CD74: variants seen among roughly 807,000 people sequenced by gnomAD.
The protein encoded by CD74 is CD74 molecule.
A neutral mutation model predicts 37.1 loss-of-function variants in CD74; 20 were observed. The ratio of observed to expected loss-of-function variants is 0.54; its 90% CI spans 0.38 to 0.78. The LOEUF (loss-of-function observed/expected upper bound fraction) is 0.78, where lower values mean the gene tolerates loss of function less well. Among genes scored for constraint, CD74 ranks in the 30% least tolerant of loss-of-function variants. The probability of loss-of-function intolerance (pLI) is 0.00; values close to 1 mark genes in which losing one functional copy is unlikely to be tolerated. For missense variants in CD74, 338 were observed against 389.5 expected, an observed-to-expected ratio of 0.87 and a Z score of 1.11; for synonymous variants, 150 against 152.0, an observed-to-expected ratio of 0.99 and a Z score of 0.10.
Position 150,407,755 on chromosome 5 carries a change from G to A in CD74, c.126-431C>T, listed in dbSNP as rs1770069936. ...ACAGGTTTGGTTTTTGTTTTGTTTTGTTTTGTTTTGTTTTTTGAGACGGAG... is the reference window on the plus strand; with the variant it reads ...ACAGGTTTGGTTTTTGTTTTGTTTTATTTTGTTTTGTTTTTTGAGACGGAG... On this transcript the variant is annotated intron_variant, in intron 1 of 8. Transcript: ENST00000009530. This position sits in a 1 kb window ranked among gnomAD's most constrained non-coding sequence, Gnocchi z 4.4. Among the ~76,000 whole-genome samples, 1 of 151,976 alleles carries A rather than the reference G, an allele frequency of 6.6e-6. No individual in the cohort carries two copies. Among genetic ancestry groups the A allele is most frequent in the African/African-American group, 2.4e-5 (1 of 41,376 alleles).
At chr5:150,408,278 T>C (rs1482787666) in intron 1 of CD74, among the ~76,000 whole-genome samples, 1 of 152,084 alleles carries the variant, frequency 6.6e-6, no homozygotes, top group East Asian at 1.9e-4. Context: ...CTGGCCATTT[T>C]AGGAGTGGGC....
Position 150,405,497 on chromosome 5 carries a change from C to T in CD74, c.442-317G>A, listed in dbSNP as rs551225187. 41 of 1,052,686 alleles carry T rather than the reference C, an allele frequency of 3.9e-5. No homozygotes were observed. In the African/African-American group the frequency reaches 6.6e-4, roughly 17 times the overall value. The allele number at this position is 1,052,686 out of a possible 1,614,324, so 65.2% of individuals were successfully genotyped here. A position where few individuals can be genotyped will look rare whatever the true frequency, so the allele number is the denominator to read the frequency against. ...CTTACCTGCTCCAGCAGGTGAGGACCCAACCTTGACTGCCCCCAGCTAGGT... is the reference window on the plus strand; with the variant it reads ...CTTACCTGCTCCAGCAGGTGAGGACTCAACCTTGACTGCCCCCAGCTAGGT... On this transcript the variant is annotated intron_variant, in intron 4 of 8. Transcript: ENST00000009530.
In CD74 at chr5:150,401,768, A is replaced by G; in HGVS notation, c.*472T>C. 3.3e-6 allele frequency: 2 copies of G among 603,086 alleles called. No homozygotes were observed. The highest frequency in any genetic ancestry group is 3.9e-5 in the South Asian group (2 of 50,708). 37.4% of individuals were successfully genotyped at this position (603,086 alleles called of 1,614,324 possible). A position where few individuals can be genotyped will look rare whatever the true frequency, so the allele number is the denominator to read the frequency against. On this transcript the variant is annotated 3_prime_UTR_variant, in exon 9 of 9. Coordinates refer to ENST00000009530, the MANE Select transcript of CD74 (RefSeq NM_001025159.3). ...GGAAAACATTGGCTCTTCCTTGGGGAGTGATGCTGGGGAAAGGGAAGAGAG... is the reference window on the plus strand; with the variant it reads ...GGAAAACATTGGCTCTTCCTTGGGGGGTGATGCTGGGGAAAGGGAAGAGAG...
rs1769717027 is a variant in CD74, at chr5:150,402,826, C to CTGT, written c.818-204_818-202dup. Among the ~76,000 whole-genome samples, 6 of 152,174 alleles carry CTGT rather than the reference C, an allele frequency of 3.9e-5. No homozygotes were observed. In the South Asian group the frequency reaches 1.2e-3, roughly 31 times the overall value. Reference sequence around the variant, plus strand: ...GGGTGATGAAATGAGATGGGTGGGTCTGTAGGACTCCTGGATGCTAGAGGA... The same window carrying CTGT: ...GGGTGATGAAATGAGATGGGTGGGTCTGTTGTAGGACTCCTGGATGCTAGAGGA... On this transcript the variant is annotated intron_variant, in intron 7 of 8. Transcript: ENST00000009530. This position sits in a 1 kb window ranked among gnomAD's most constrained non-coding sequence, Gnocchi z 4.2.
In CD74 at chr5:150,401,724, G is replaced by A. The variant is rs966414671; in HGVS notation, c.*516C>T. ...GGCTGAGCAGAGGGAACTAGGGGTC[G>A]GCAGAAAGGATTATGGGTGGAAAAC... is the stretch of plus-strand genomic sequence containing the variant. On this transcript the variant is annotated 3_prime_UTR_variant, in exon 9 of 9. Transcript: ENST00000009530. 49 of 579,440 alleles carry A rather than the reference G, an allele frequency of 8.5e-5. No homozygotes were observed. The highest frequency in any genetic ancestry group is 6.9e-4 in the African/African-American group (37 of 53,610). The allele number at this position is 579,440 out of a possible 1,614,324, so 35.9% of individuals were successfully genotyped here. A position where few individuals can be genotyped will look rare whatever the true frequency, so the allele number is the denominator to read the frequency against.
At position 150,401,902 on chromosome 5, in the gene CD74, C is replaced by G; in HGVS notation, c.*338G>C. 1.3e-6 allele frequency: 1 copy of G among 756,776 alleles called. No individual in the cohort carries two copies. Among genetic ancestry groups the G allele is most frequent in the Non-Finnish European group, 2.3e-6 (1 of 434,562 alleles). 46.9% of individuals were successfully genotyped at this position (756,776 alleles called of 1,614,324 possible). A position where few individuals can be genotyped will look rare whatever the true frequency, so the allele number is the denominator to read the frequency against. On this transcript the variant is annotated 3_prime_UTR_variant, in exon 9 of 9. Transcript: ENST00000009530. ...GTCTGGGTGTAGGGTTATCCCTTCT[C>G]CCTGTGCCTTCCCATCTCGTCCATG...
chr5:150,412,494 C>G (rs1770401778), intron 1 of CD74, 131 bp downstream of exon 1: 1 of 709,680 alleles, frequency 1.4e-6, no homozygotes, highest in African/African-American at 1.8e-5. Context: ...CAAAATCACC[C>G]AAAAAGTCAA....
intron 1 of CD74, among the ~76,000 whole-genome samples, chr5:150,408,808 C>T (rs796398537): frequency 3.0e-4 from 45 of 152,320 alleles, no homozygotes; most frequent in African/African-American, 8.9e-4. Flanking sequence ...GGGAGGTGAT[C>T]GGGCCACAAG....
intron 1 of CD74, among the ~76,000 whole-genome samples, chr5:150,408,262 T>TG (rs1770111641): frequency 6.6e-6 from 1 of 151,976 alleles, no homozygotes; most frequent in South Asian, 2.1e-4. Context: ...TGGGAAGAAG[T>TG]GGGGCCTGGC....
intron 5 of CD74, 134 bp downstream of exon 5, chr5:150,404,951 G>A: frequency 2.2e-6 from 2 of 925,320 alleles, no homozygotes; most frequent in Non-Finnish European, 3.4e-6. Flanking sequence ...GCAGCATCCA[G>A]GTTTTGGAAG....
intron 4 of CD74, chr5:150,405,431 C>T (rs1769900680): frequency 2.0e-5 from 25 of 1,239,316 alleles, no homozygotes; most frequent in Non-Finnish European, 2.5e-5. Flanking sequence ...TACCAACAAG[C>T]CCCAGTGTCC....
intron 1 of CD74, among the ~76,000 whole-genome samples, chr5:150,408,494 C>T (rs901858615): frequency 6.6e-6 from 1 of 152,166 alleles, no homozygotes; most frequent in Non-Finnish European, 1.5e-5. Flanking sequence ...TCACTGCAAG[C>T]GCCAAAGTAT....
rs1035083487 is a variant in CD74 at position 150,403,397 on chromosome 5, T to C, written c.626-85A>G. 46 of 1,185,650 alleles carry C rather than the reference T, an allele frequency of 3.9e-5. 1 individual carries two copies. The highest frequency in any genetic ancestry group is 7.6e-5 in the South Asian group (6 of 78,752). The allele number at this position is 1,185,650 out of a possible 1,614,324, so 73.4% of individuals were successfully genotyped here. A position where few individuals can be genotyped will look rare whatever the true frequency, so the allele number is the denominator to read the frequency against. ...GCAGAGCTAAAGACCCACACACCAC[T>C]GCTGTGGGCTTAATGCCTTCTTCCC... is the stretch of plus-strand genomic sequence containing the variant. On this transcript the variant is annotated intron_variant, in intron 6 of 8. Coordinates refer to ENST00000009530, the MANE Select transcript of CD74 (RefSeq NM_001025159.3). The surrounding 1 kb of genome is among the most constrained non-coding windows in gnomAD (Gnocchi z 4.5).
intron 4 of CD74, 74 bp from the exon 5 acceptor site, chr5:150,405,254 G>A (rs1325221308): frequency 6.6e-6 from 10 of 1,506,596 alleles, no homozygotes; most frequent in East Asian, 4.7e-5. Context: ...TGTAGCCCAC[G>A]TTCCCTTGGT....
In CD74 at chr5:150,407,390, A is replaced by G; in HGVS notation, c.126-66T>C. 8.0e-6 allele frequency: 11 copies of G among 1,381,048 alleles called. No homozygotes were observed. The highest frequency in any genetic ancestry group is 1.1e-5 in the Non-Finnish European group (11 of 1,008,324). The allele number at this position is 1,381,048 out of a possible 1,614,324, so 85.5% of individuals were successfully genotyped here. A position where few individuals can be genotyped will look rare whatever the true frequency, so the allele number is the denominator to read the frequency against. Reference sequence around the variant, plus strand: ...GTGGTGGCTGCCCCAAGGGCTGGCTAGGAATGGGGAAATGTATACCCCCAT... The same window carrying G: ...GTGGTGGCTGCCCCAAGGGCTGGCTGGGAATGGGGAAATGTATACCCCCAT... On this transcript the variant is annotated intron_variant, in intron 1 of 8. Transcript: ENST00000009530. The surrounding 1 kb of genome is among the most constrained non-coding windows in gnomAD (Gnocchi z 4.4).
chr5:150,406,724 C>T lies in CD74; in HGVS notation c.378+157G>A, dbSNP rs1039370313. ...GACTCTTCACCTGTGCCCTCCACAC[C>T]TGGGGAGCCCGATTCTTCCTGAGGC... On this transcript the variant is annotated intron_variant, in intron 3 of 8. Transcript: ENST00000009530. The T allele has an allele frequency of 6.7e-6, 4 of 596,592 alleles. No individual in the cohort carries two copies. The African/African-American group carries it at 7.5e-5, about 11-fold the overall frequency. The allele number at this position is 596,592 out of a possible 1,614,324, so 37.0% of individuals were successfully genotyped here. A position where few individuals can be genotyped will look rare whatever the true frequency, so the allele number is the denominator to read the frequency against.
chr5:150,408,679 A>G (rs1054362174), intron 1 of CD74, among the ~76,000 whole-genome samples: 1 of 152,138 alleles, frequency 6.6e-6, no homozygotes, highest in Non-Finnish European at 1.5e-5. Context: ...CATATGTTAC[A>G]GTACAGGGGA....
At chr5:150,410,746 T>C (rs1221625683) in intron 1 of CD74, among the ~76,000 whole-genome samples, 2 of 150,700 alleles carry the variant, frequency 1.3e-5, no homozygotes, top group African/African-American at 4.9e-5. Context: ...GACACAGATG[T>C]TGCCAGGCAG....
chr5:150,406,931 C>T lies in CD74; in HGVS notation c.328G>A (p.Ala110Thr), dbSNP rs1554082481. 6.4e-7 allele frequency: 1 copy of T among 1,553,126 alleles called. No homozygotes were observed. The highest frequency in any genetic ancestry group is 8.6e-7 in the Non-Finnish European group (1 of 1,156,120). The change falls in exon 3 of 9, where the codon GCC becomes ACC. Residue 110 changes from alanine to threonine, a missense_variant. Ala to Thr is a moderately conservative substitution (Grantham distance 58, BLOSUM62 0). Coordinates refer to ENST00000009530, the MANE Select transcript of CD74 (RefSeq NM_001025159.3). Reference protein sequence around the residue: ...PPKPVSKMRMATPLLMQALPM... With the variant: ...PPKPVSKMRMTTPLLMQALPM... ...AGCGCCTGCATCAGCAGCGGGGTGG[C>T]CATGCGCATCTTGCTCACAGGCTTG... is the stretch of plus-strand genomic sequence containing the variant.
Sources: gnomAD v4.1 joint callset for allele counts (sites outside exome capture counted in the v4.1 genomes callset) on GRCh38, gnomAD v4.1.1 for gene constraint, Gnocchi (gnomAD v3.1) non-coding constraint, MANE v1.5 for transcripts, NCBI Gene and HGNC (gene_info 2026-07-23, HGNC 2026-07-21) for gene names.